The following SGCZ variants were observed in gnomAD, a reference collection of about 807,000 sequenced individuals.
The protein encoded by SGCZ is zeta-sarcoglycan.
A neutral mutation model predicts 41.3 loss-of-function variants in SGCZ; 40 were observed. The ratio of observed to expected loss-of-function variants is 0.97; its 90% CI spans 0.75 to 1.26. SGCZ has a LOEUF of 1.26. SGCZ is among the 50% of genes most tolerant of loss of function. SGCZ has a pLI of 0.00. For missense variants in SGCZ, 552 were observed against 369.8 expected (o/e 1.49, Z -4.04); for synonymous variants, 206 against 137.5 (o/e 1.50, Z -3.49).
At chr8:14,840,856 AC>A (rs1266027379) in intron 1 of SGCZ, among the ~76,000 whole-genome samples, 5 of 152,088 alleles carry the variant, frequency 3.3e-5, no homozygotes, top group Admixed American at 6.5e-5. Context: ...TTGATGTATA[AC>A]TTTTGTGTTT....
chr8:14,614,996 ATATGTG>A (rs1374280624), intron 1 of SGCZ, among the ~76,000 whole-genome samples: 2 of 115,240 alleles, frequency 1.7e-5, no homozygotes, highest in African/African-American at 2.8e-5. Context: ...GTGTGTGTAT[ATATGTG>A]TGTGTGTGTG....
intron 1 of SGCZ, among the ~76,000 whole-genome samples, chr8:14,787,413 T>C (rs1800803021): frequency 6.6e-6 from 1 of 151,958 alleles, no homozygotes; most frequent in Non-Finnish European, 1.5e-5. Flanking sequence ...TGGTATATTA[T>C]TAGTAATAAT....
At chr8:14,926,902 G>C (rs1019242641) in intron 1 of SGCZ, among the ~76,000 whole-genome samples, 2 of 151,990 alleles carry the variant, frequency 1.3e-5, no homozygotes, top group African/African-American at 4.8e-5. Flanking sequence ...GCCTCCCAAA[G>C]TGTTGGGATT....
chr8:14,807,695 A>G (rs1227084900), intron 1 of SGCZ, among the ~76,000 whole-genome samples: 1 of 151,840 alleles, frequency 6.6e-6, no homozygotes, highest in Non-Finnish European at 1.5e-5. Flanking sequence ...CCATCAAGCT[A>G]CCAATGCCTT....
chr8:15,058,873 C>T (rs1331372640), intron 1 of SGCZ, among the ~76,000 whole-genome samples: 2 of 152,046 alleles, frequency 1.3e-5, no homozygotes, highest in African/African-American at 2.4e-5. Context: ...GTATGTTATA[C>T]ACATAGATAG....
chr8:14,673,983 T>G (rs533110156), intron 1 of SGCZ, among the ~76,000 whole-genome samples: 2 of 152,314 alleles, frequency 1.3e-5, no homozygotes, highest in African/African-American at 4.8e-5. Context: ...TTATTGAATG[T>G]GTCACACACT....
intron 3 of SGCZ, among the ~76,000 whole-genome samples, chr8:14,254,613 A>C (rs1318648774): frequency 6.6e-6 from 1 of 152,256 alleles, no homozygotes; most frequent in Non-Finnish European, 1.5e-5. Context: ...TGAAAACATT[A>C]ATTTGATATC....
At chr8:14,720,522 C>A (rs541018063) in intron 1 of SGCZ, among the ~76,000 whole-genome samples, 1 of 151,994 alleles carries the variant, frequency 6.6e-6, no homozygotes, top group African/African-American at 2.4e-5. Context: ...TAAGGTTCCA[C>A]TGGATTTCCT....
chr8:14,091,885 G>C (rs954793455), intron 7 of SGCZ, among the ~76,000 whole-genome samples: 1 of 152,082 alleles, frequency 6.6e-6, no homozygotes, highest in Non-Finnish European at 1.5e-5. Context: ...TGAAGTCTTT[G>C]CCCATGCCTA....
At chr8:14,635,529 G>A (rs1806800169) in intron 1 of SGCZ, among the ~76,000 whole-genome samples, 1 of 151,930 alleles carries the variant, frequency 6.6e-6, no homozygotes, top group African/African-American at 2.4e-5. Context: ...AATACACTCT[G>A]AAAATATTCA....
chr8:14,668,409 C>T (rs1257218261), intron 1 of SGCZ, among the ~76,000 whole-genome samples: 1 of 152,128 alleles, frequency 6.6e-6, no homozygotes, highest in African/African-American at 2.4e-5. Flanking sequence ...AAAATAAGAC[C>T]TCAGGTTGTT....
rs369472998 is a variant in SGCZ at position 15,075,893 on chromosome 8, G to A, written c.39+161692C>T. ...TTAAGCATCAGTGAATCACTGATAA[G>A]TACTAGGCAGAAATACAAATCATTT... On this transcript the variant is annotated intron_variant, in intron 1 of 7. Coordinates refer to ENST00000382080, the MANE Select transcript of SGCZ (RefSeq NM_139167.4). Among the ~76,000 whole-genome samples the A allele has an allele frequency of 4.6e-5, 7 of 151,658 alleles. No homozygotes were observed. In the East Asian group the frequency reaches 9.7e-4, roughly 21 times the overall value.
intron 2 of SGCZ, among the ~76,000 whole-genome samples, chr8:14,395,619 C>A (rs1185336052): frequency 1.3e-5 from 2 of 152,068 alleles, no homozygotes; most frequent in Non-Finnish European, 2.9e-5. Context: ...TAAGATACAG[C>A]CAGTCAGAAG....
At chr8:14,541,663 G>A (rs1259285182) in intron 2 of SGCZ, among the ~76,000 whole-genome samples, 1 of 151,870 alleles carries the variant, frequency 6.6e-6, no homozygotes, top group African/African-American at 2.4e-5. Context: ...GGAATTGCTG[G>A]GTCAAATGGT....
At chr8:14,581,872 A>G (rs190903853) in intron 1 of SGCZ, among the ~76,000 whole-genome samples, 220 of 152,328 alleles carry the variant, frequency 1.4e-3, no homozygotes, top group African/African-American at 5.1e-3. Context: ...TGCTAGAACA[A>G]CAGGGGTTTC....
At chr8:14,865,484 T>C (rs1032215531) in intron 1 of SGCZ, among the ~76,000 whole-genome samples, 44 of 152,120 alleles carry the variant, frequency 2.9e-4, no homozygotes, top group Admixed American at 1.6e-3. Flanking sequence ...CTCTGTATTA[T>C]TCTGGTGAAA....
At chr8:15,149,149 C>A (rs1799111781) in intron 1 of SGCZ, among the ~76,000 whole-genome samples, 1 of 152,096 alleles carries the variant, frequency 6.6e-6, no homozygotes, top group Admixed American at 6.5e-5. Context: ...GCTCTGGAAA[C>A]CAGGCTGGAA....
intron 1 of SGCZ, among the ~76,000 whole-genome samples, chr8:14,687,593 A>C (rs1380389709): frequency 1.3e-5 from 2 of 151,730 alleles, no homozygotes; most frequent in Non-Finnish European, 2.9e-5. Context: ...CCAGTCTATC[A>C]TTGTTGGACA....
intron 4 of SGCZ, among the ~76,000 whole-genome samples, chr8:14,179,106 AG>A (rs1804640859): frequency 6.6e-6 from 1 of 152,220 alleles, no homozygotes; most frequent in Admixed American, 6.5e-5. Context: ...ATTATCTGCC[AG>A]GGGGACACTC....
Sources: allele counts gnomAD v4.1 joint callset (sites outside exome capture counted in the v4.1 genomes callset), GRCh38; gene constraint gnomAD v4.1.1; transcripts MANE v1.5; gene names NCBI Gene and HGNC (gene_info 2026-07-23, HGNC 2026-07-21).